The following EGF variants were observed in gnomAD, a reference collection of about 807,000 sequenced individuals.
EGF encodes pro-epidermal growth factor.
EGF carries 95 observed loss-of-function variants against 143.8 expected under a neutral mutation model. The ratio of observed to expected loss-of-function variants is 0.66; its 90% CI spans 0.56 to 0.78. The LOEUF (loss-of-function observed/expected upper bound fraction) is 0.78. Among genes scored for constraint, EGF ranks in the 30% least tolerant of loss-of-function variants. The probability of loss-of-function intolerance (pLI) is 0.00; values close to 1 mark genes in which losing one functional copy is unlikely to be tolerated. For synonymous variants in EGF, 510 were observed against 510.5 expected, an observed-to-expected ratio of 1.00 and a Z score of 0.01; for missense variants, 1,320 against 1,470.9, an observed-to-expected ratio of 0.90 and a Z score of 1.68.
intron 11 of EGF, among the ~76,000 whole-genome samples, chr4:109,970,486 T>A (rs1747385271): frequency 6.6e-6 from 1 of 152,110 alleles, no homozygotes; most frequent in Admixed American, 6.5e-5. Context: ...ATGAATGGGT[T>A]TCTATGCTTG....
intron 18 of EGF, among the ~76,000 whole-genome samples, chr4:109,988,927 G>C (rs192039622): frequency 6.6e-6 from 1 of 152,190 alleles, no homozygotes; most frequent in East Asian, 1.9e-4. Context: ...TCAGCTTCAA[G>C]CCCCTTTGGA....
intron 15 of EGF, among the ~76,000 whole-genome samples, chr4:109,981,271 C>A (rs1257116024): frequency 6.6e-6 from 1 of 152,164 alleles, no homozygotes; most frequent in Non-Finnish European, 1.5e-5. Context: ...AATGCTATCA[C>A]CTCACAAAAA....
chr4:109,943,490 G>C, intron 3 of EGF, 55 bp downstream of exon 3: 1 of 1,568,504 alleles, frequency 6.4e-7, no homozygotes, highest in Non-Finnish European at 8.8e-7. Context: ...AGTGAAGATT[G>C]ATAGAATTAT....
intron 12 of EGF, 101 bp from the exon 13 acceptor site, chr4:109,975,911 A>T: frequency 7.8e-7 from 1 of 1,286,286 alleles, no homozygotes; most frequent in Non-Finnish European, 1.1e-6. Flanking sequence ...GTACCACTTT[A>T]GTATATCATG....
At chr4:109,927,806 CGTGTGTGTGTGT>C (rs57788647) in intron 1 of EGF, among the ~76,000 whole-genome samples, 49 of 136,394 alleles carry the variant, frequency 3.6e-4, no homozygotes, top group African/African-American at 8.5e-4. Flanking sequence ...TGAATTTTGC[CGTGTGTGTGTGT>C]GTGTGTGTGT....
rs770714526 is a variant in EGF at position 110,011,285 on chromosome 4, A to G, written c.3454A>G (p.Ser1152Gly). 1.9e-6 allele frequency: 3 copies of G among 1,614,150 alleles called. No homozygotes were observed. Among genetic ancestry groups the G allele is most frequent in the South Asian group, 1.1e-5 (1 of 91,080 alleles). The stretch of plus-strand genomic sequence containing the variant: ...GCAAGGCTGCTGGATTCCAGTATCC[A>G]GTGATAAGGGCTCCTGTCCCCAGGT... ...TEQGCWIPVS[S>G]DKGSCPQVME... Residue 1152 changes from serine (S) to glycine (G), a missense_variant, in exon 24 of 24, where the codon AGT (serine) becomes GGT (glycine). Physicochemically the swap from Ser to Gly is moderately conservative, Grantham distance 56. Transcript: ENST00000265171.
intron 5 of EGF, among the ~76,000 whole-genome samples, chr4:109,958,048 G>A (rs1202157802): frequency 1.3e-5 from 2 of 152,182 alleles, no homozygotes; most frequent in African/African-American, 2.4e-5. Context: ...CCCAGTATCC[G>A]TGGGGGATTG....
chr4:109,994,806 C>G lies in EGF; in HGVS notation c.2931C>G (p.Pro977=), dbSNP rs1251629116. Residue 977 remains proline, a synonymous_variant, in exon 20 of 24, where the codon CCC becomes CCG. Transcript: ENST00000265171. ...YSVRNSDSEC[P]LSHDGYCLHD... is the part of the protein sequence containing the mutation. ...TAAGAAATAGTGACTCTGAATGTCC[C>G]CTGTCCCACGATGGGTACTGCCTCC... The G allele has an allele frequency of 6.2e-7, 1 of 1,614,138 alleles. No individual in the cohort carries two copies. Among genetic ancestry groups the G allele is most frequent in the South Asian group, 1.1e-5 (1 of 91,082 alleles).
At chr4:109,967,980 G>A (rs181922606) in intron 10 of EGF, among the ~76,000 whole-genome samples, 33 of 152,292 alleles carry the variant, frequency 2.2e-4, no homozygotes, top group Admixed American at 6.5e-4. Flanking sequence ...AGTTGCACTG[G>A]ATGAGTCAGT....
Position 110,011,275 on chromosome 4 carries a change from T to A in EGF, c.3444T>A (p.Ile1148=). 6.2e-7 allele frequency: 1 copy of A among 1,614,166 alleles called. No homozygotes were observed. The highest frequency in any genetic ancestry group is 1.1e-5 in the South Asian group (1 of 91,080). The change falls in exon 24 of 24, where the codon ATT becomes ATA. Residue 1148 remains isoleucine (I), a synonymous_variant. Transcript: ENST00000265171. Reference sequence around the variant, plus strand: ...TGGGCACAGAGCAAGGCTGCTGGATTCCAGTATCCAGTGATAAGGGCTCCT... The same window carrying A: ...TGGGCACAGAGCAAGGCTGCTGGATACCAGTATCCAGTGATAAGGGCTCCT... ...CGMGTEQGCW[I]PVSSDKGSCP...
At chr4:110,000,060 T>G (rs549179087) in intron 21 of EGF, among the ~76,000 whole-genome samples, 128 of 152,240 alleles carry the variant, frequency 8.4e-4, no homozygotes, top group African/African-American at 3.0e-3. Context: ...GAGACCAGCC[T>G]GGCCAACATG....
chr4:109,924,745 C>G (rs1431105312), intron 1 of EGF, among the ~76,000 whole-genome samples: 2 of 152,138 alleles, frequency 1.3e-5, no homozygotes, highest in South Asian at 2.1e-4. Flanking sequence ...AAAGGGCAGT[C>G]TTGACACCTT....
intron 1 of EGF, among the ~76,000 whole-genome samples, chr4:109,926,525 T>G (rs909155875): frequency 1.3e-5 from 2 of 151,926 alleles, no homozygotes; most frequent in South Asian, 4.2e-4. Context: ...CGGCTAATTT[T>G]TTTTTGTATT....
In EGF at chr4:109,943,278, GT is replaced by G. The variant is rs1742236393; in HGVS notation, c.355del (p.Ser119LeufsTer5). On this transcript the variant is annotated frameshift_variant, in exon 3 of 24. Coordinates refer to ENST00000265171, the MANE Select transcript of EGF (RefSeq NM_001963.6). LOFTEE classifies it high-confidence loss of function. ...QERVCNIEKN[V>X]SGMAINWINE... is the part of the protein sequence containing the mutation. ...GAGAGTATGTAATATAGAGAAAAAT[GT>G]TTCTGGAATGGCAATAAATTGGATA... 1.2e-6 allele frequency: 2 copies of G among 1,606,880 alleles called. No individual in the cohort carries two copies. The highest frequency in any genetic ancestry group is 1.7e-6 in the Non-Finnish European group (2 of 1,176,860).
At chr4:110,002,938 G>A (rs753960730) in intron 21 of EGF, among the ~76,000 whole-genome samples, 2 of 152,130 alleles carry the variant, frequency 1.3e-5, no homozygotes, top group African/African-American at 2.4e-5. Flanking sequence ...TCCTGTGTTA[G>A]TTTGCTAAGA....
intron 16 of EGF, among the ~76,000 whole-genome samples, chr4:109,984,580 G>T (rs866426562): frequency 6.6e-6 from 1 of 152,120 alleles, no homozygotes; most frequent in South Asian, 2.1e-4. Context: ...CAAAACATCA[G>T]GCATCGGTGT....
intron 22 of EGF, among the ~76,000 whole-genome samples, chr4:110,005,919 A>G (rs1753219439): frequency 6.6e-6 from 1 of 152,180 alleles, no homozygotes; most frequent in East Asian, 1.9e-4. Context: ...CTCACAGTGA[A>G]TTCCCAGAAA....
At chr4:109,979,132 G>C (rs1169985745) in intron 13 of EGF, among the ~76,000 whole-genome samples, 2 of 152,160 alleles carry the variant, frequency 1.3e-5, no homozygotes, top group African/African-American at 4.8e-5. Flanking sequence ...GTGAAGGTGG[G>C]CTCAGAAAGA....
At chr4:109,967,300 C>A (rs1032076248) in intron 10 of EGF, among the ~76,000 whole-genome samples, 2 of 152,162 alleles carry the variant, frequency 1.3e-5, no homozygotes, top group African/African-American at 4.8e-5. Context: ...AATAAGATAT[C>A]CTTTTCCCAA....
Sources: allele counts gnomAD v4.1 joint callset (sites outside exome capture counted in the v4.1 genomes callset), GRCh38; gene constraint gnomAD v4.1.1; transcripts MANE v1.5; gene names NCBI Gene and HGNC (gene_info 2026-07-23, HGNC 2026-07-21).